The following DMXL2 variants were observed in gnomAD, a reference collection of about 807,000 sequenced individuals.
The protein encoded by DMXL2 is Dmx like 2, also known as dmX-like protein 2.
In DMXL2, 103 loss-of-function variants were observed where a neutral mutation model predicts 331.1. That is an observed-to-expected ratio of 0.31 (90% CI 0.27 to 0.37). DMXL2 has a LOEUF of 0.37. Ranked by LOEUF, DMXL2 falls within the 10% of genes least tolerant of loss-of-function variation. The probability of loss-of-function intolerance (pLI) is 1.00; values close to 1 mark genes in which losing one functional copy is unlikely to be tolerated. For missense variants in DMXL2, 3,171 were observed against 3,642.9 expected (o/e 0.87, Z 3.33); for synonymous variants, 1,281 against 1,252.1 (o/e 1.02, Z -0.49).
At chr15:51,508,119 T>C (rs977056701) in intron 15 of DMXL2, among the ~76,000 whole-genome samples, 6 of 151,606 alleles carry the variant, frequency 4.0e-5, no homozygotes, top group African/African-American at 7.3e-5. Flanking sequence ...TAAGTGGGAG[T>C]TGAACAATGA....
chr15:51,457,254 C>T, intron 37 of DMXL2, 74 bp downstream of exon 37: 1 of 1,485,190 alleles, frequency 6.7e-7, no homozygotes, highest in Non-Finnish European at 9.2e-7. Flanking sequence ...TAGGATCATT[C>T]CTATGTCAAA....
chr15:51,565,499 A>C (rs1166392378), intron 3 of DMXL2, among the ~76,000 whole-genome samples: 2 of 152,182 alleles, frequency 1.3e-5, no homozygotes, highest in African/African-American at 4.8e-5. Flanking sequence ...CACTAAGATT[A>C]GCTAACTCAT....
chr15:51,465,454 C>A, intron 31 of DMXL2, 112 bp downstream of exon 31: 2 of 777,256 alleles, frequency 2.6e-6, no homozygotes, highest in Non-Finnish European at 4.4e-6. Flanking sequence ...TATAAAATAT[C>A]TAATGCACTA....
intron 32 of DMXL2, among the ~76,000 whole-genome samples, 178 bp downstream of exon 32, chr15:51,464,497 A>C (rs2040406121): frequency 6.6e-6 from 1 of 152,230 alleles, no homozygotes; most frequent in Non-Finnish European, 1.5e-5. Flanking sequence ...TGAATTACAG[A>C]TAATACTGGG....
intron 14 of DMXL2, among the ~76,000 whole-genome samples, chr15:51,516,684 T>C (rs1300064496): frequency 2.0e-5 from 3 of 152,238 alleles, no homozygotes; most frequent in African/African-American, 7.2e-5. Context: ...AGTGGTTTTT[T>C]TGTTACATGG....
At chr15:51,550,998 C>T (rs1396895409) in intron 6 of DMXL2, among the ~76,000 whole-genome samples, 3 of 152,058 alleles carry the variant, frequency 2.0e-5, no homozygotes, top group Non-Finnish European at 2.9e-5. Context: ...AAATAAAACC[C>T]TGTCATGTGT....
chr15:51,613,121 T>C (rs2054083687), intron 1 of DMXL2, among the ~76,000 whole-genome samples: 1 of 152,226 alleles, frequency 6.6e-6, no homozygotes, highest in Non-Finnish European at 1.5e-5. Flanking sequence ...GATTTCATAT[T>C]GTTTAAACAA....
At chr15:51,549,259 T>C (rs574708513) in intron 6 of DMXL2, among the ~76,000 whole-genome samples, 2 of 152,212 alleles carry the variant, frequency 1.3e-5, no homozygotes, top group East Asian at 1.9e-4. Flanking sequence ...TGGTCTCCAA[T>C]TCCATCCAGG....
At chr15:51,450,446 TTTTC>T in intron 42 of DMXL2, 100 bp from the exon 43 acceptor site, 1 of 1,094,868 alleles carries the variant, frequency 9.1e-7, no homozygotes, top group Non-Finnish European at 1.4e-6. Flanking sequence ...ACTGATGCAT[TTTTC>T]ATTCTAAGGT....
intron 17 of DMXL2, among the ~76,000 whole-genome samples, chr15:51,502,231 TAA>T (rs531734454): frequency 7.8e-5 from 9 of 114,760 alleles, no homozygotes; most frequent in Non-Finnish European, 1.2e-4. Context: ...AGACTCCGTC[TAA>T]AAAAAAAAAA....
chr15:51,569,859 T>C (rs1403808888), intron 2 of DMXL2, among the ~76,000 whole-genome samples: 1 of 151,892 alleles, frequency 6.6e-6, no homozygotes, highest in Non-Finnish European at 1.5e-5. Context: ...TGGCTGAAAA[T>C]TCCCAAAACC....
intron 13 of DMXL2, among the ~76,000 whole-genome samples, chr15:51,520,605 C>A (rs976077289): frequency 6.6e-6 from 1 of 152,076 alleles, no homozygotes; most frequent in African/African-American, 2.4e-5. Flanking sequence ...ACCTCTAATC[C>A]CAGCACTTTG....
intron 8 of DMXL2, among the ~76,000 whole-genome samples, chr15:51,543,745 CTT>C (rs1040039082): frequency 2.6e-5 from 4 of 152,086 alleles, no homozygotes; most frequent in African/African-American, 9.7e-5. Flanking sequence ...TAAAAACTAT[CTT>C]AACATATTAA....
At chr15:51,473,305 T>C (rs1289094895) in intron 28 of DMXL2, among the ~76,000 whole-genome samples, 6 of 152,208 alleles carry the variant, frequency 3.9e-5, no homozygotes, top group Non-Finnish European at 5.9e-5. Context: ...GTTAAGTGAA[T>C]AAATTAATGC....
chr15:51,489,960 A>G (rs941965730), intron 20 of DMXL2, among the ~76,000 whole-genome samples: 2 of 152,232 alleles, frequency 1.3e-5, no homozygotes, highest in African/African-American at 2.4e-5. Context: ...ACAAGAAGTA[A>G]AATCTTTGTG....
chr15:51,456,210 A>AAAGC lies in DMXL2; in HGVS notation c.8399-21_8399-18dup, dbSNP rs200181576. ...CTGTAAGATCTGAAACACAAGAGAA[A>AAAGC]AAGCAGGAAATAAGAAATTAAAGAG... is the stretch of plus-strand genomic sequence containing the variant. On this transcript the variant is annotated splice_polypyrimidine_tract_variant and intron_variant, in intron 38 of 43. Transcript: ENST00000560891. The AAAGC allele has an allele frequency of 2.7e-3, 4,259 of 1,604,792 alleles. 104 individuals are homozygous for AAAGC. In the Admixed American group the frequency reaches 0.04, roughly 15 times the overall value.
rs1463609779 is a variant in DMXL2 at position 51,622,471 on chromosome 15, A to G, written c.75T>C (p.Asp25=). The G allele has an allele frequency of 6.4e-7, 1 of 1,565,326 alleles. No homozygotes were observed. The highest frequency in any genetic ancestry group is 1.2e-5 in the South Asian group (1 of 85,130). The change falls in exon 1 of 44, where the codon GAT becomes GAC. Residue 25 remains aspartate, a synonymous_variant. Transcript: ENST00000560891. ...GGCCGCCGCTCACCGTGAAGGGGAC[A>G]TCCCCGACGCTGCCCACGGAGTAGC... is the stretch of plus-strand genomic sequence containing the variant. ...DNCYSVGSVG[D]VPFTAYGSGC... is the part of the protein sequence containing the mutation.
chr15:51,494,805 A>C (rs573865302), intron 19 of DMXL2, among the ~76,000 whole-genome samples: 1 of 152,316 alleles, frequency 6.6e-6, no homozygotes, highest in East Asian at 1.9e-4. Context: ...TCTAGTAAAT[A>C]AATTCTAAAA....
chr15:51,621,049 T>C (rs1338854064), intron 1 of DMXL2, among the ~76,000 whole-genome samples: 1 of 152,184 alleles, frequency 6.6e-6, no homozygotes, highest in Non-Finnish European at 1.5e-5. Context: ...CTGAGGAACT[T>C]CCTATCTGCA....
Sources: gnomAD v4.1 joint callset for allele counts (sites outside exome capture counted in the v4.1 genomes callset) on GRCh38, gnomAD v4.1.1 for gene constraint, MANE v1.5 for transcripts, NCBI Gene and HGNC (gene_info 2026-07-23, HGNC 2026-07-21) for gene names.